PARD3B: variants seen among roughly 807,000 people sequenced by gnomAD.
PARD3B encodes the protein par-3 family cell polarity regulator beta.
A neutral mutation model predicts 130.2 loss-of-function variants in PARD3B; 103 were observed. The observed-to-expected ratio is 0.79, with a 90% CI of 0.67 to 0.93. The LOEUF (loss-of-function observed/expected upper bound fraction) is 0.93, where lower values mean the gene tolerates loss of function less well. Ranked by LOEUF, PARD3B falls within the 40% of genes least tolerant of loss-of-function variation. The pLI, the probability that PARD3B is intolerant of heterozygous loss-of-function variation, is 0.00. For missense variants in PARD3B, 1,609 were observed against 1,499.2 expected, an observed-to-expected ratio of 1.07 and a Z score of -1.21; for synonymous variants, 583 against 553.2, an observed-to-expected ratio of 1.05 and a Z score of -0.76.
chr2:204,805,748 G>A (rs1273296273), intron 2 of PARD3B, among the ~76,000 whole-genome samples: 12 of 151,992 alleles, frequency 7.9e-5, no homozygotes, highest in Admixed American at 7.2e-4. Flanking sequence ...GCAAGGCAAG[G>A]GTGGTTCACC....
chr2:205,460,565 C>G lies in PARD3B; in HGVS notation c.3044+19893C>G, dbSNP rs545186238. Among the ~76,000 whole-genome samples the G allele has an allele frequency of 5.3e-5, 8 of 152,244 alleles. No individual in the cohort carries two copies. The highest frequency in any genetic ancestry group is 1.9e-4 in the African/African-American group (8 of 41,538). ...CTTCTCTTGAGGTTATCATCTTTCT[C>G]CTAGTGGTCATTAACATAGAGTTTG... On this transcript the variant is annotated intron_variant, in intron 20 of 22. Transcript: ENST00000406610. This position sits in a 1 kb window ranked among gnomAD's most constrained non-coding sequence, Gnocchi z 4.9.
intron 2 of PARD3B, among the ~76,000 whole-genome samples, chr2:204,847,318 A>T (rs750202653): frequency 6.6e-6 from 1 of 151,644 alleles, no homozygotes; most frequent in Non-Finnish European, 1.5e-5. Flanking sequence ...ATTGCAAATC[A>T]GTGTGTATAC....
intron 1 of PARD3B, among the ~76,000 whole-genome samples, chr2:204,593,427 C>A (rs1162936449): frequency 6.6e-6 from 1 of 152,186 alleles, no homozygotes; most frequent in African/African-American, 2.4e-5. Context: ...ATGCAGTTGG[C>A]ATTCAGTAAA....
In PARD3B at chr2:204,760,076, C is replaced by T. The variant is rs116209312; in HGVS notation, c.222+73794C>T. ...CTCTGAAAACAGAACCCATGCTGAGCATTAAAGTAGCCAAATAGTCTAACA... is the reference window on the plus strand; with the variant it reads ...CTCTGAAAACAGAACCCATGCTGAGTATTAAAGTAGCCAAATAGTCTAACA... On this transcript the variant is annotated intron_variant, in intron 2 of 22. Coordinates refer to ENST00000406610, the MANE Select transcript of PARD3B (RefSeq NM_001302769.2). Among the ~76,000 whole-genome samples, 375 of 152,114 alleles carry T rather than the reference C, an allele frequency of 2.5e-3. 3 individuals are homozygous for T. The highest frequency in any genetic ancestry group is 8.7e-3 in the African/African-American group (361 of 41,542).
At chr2:205,420,076 A>C (rs1023382050) in intron 19 of PARD3B, among the ~76,000 whole-genome samples, 1 of 152,242 alleles carries the variant, frequency 6.6e-6, no homozygotes, top group African/African-American at 2.4e-5. Flanking sequence ...TCCCCTGAGC[A>C]TTCTGGCCAA....
chr2:204,871,308 T>C (rs993409654), intron 2 of PARD3B, among the ~76,000 whole-genome samples: 3 of 152,150 alleles, frequency 2.0e-5, no homozygotes, highest in African/African-American at 7.2e-5. Flanking sequence ...TATTATAGAC[T>C]ATAAACAACT....
chr2:204,876,991 A>G (rs2045869395), intron 2 of PARD3B, among the ~76,000 whole-genome samples: 1 of 152,154 alleles, frequency 6.6e-6, no homozygotes, highest in South Asian at 2.1e-4. Context: ...TCCCTGAGGA[A>G]TCGCCACACA....
intron 1 of PARD3B, among the ~76,000 whole-genome samples, chr2:204,574,689 C>T (rs1382595273): frequency 3.9e-5 from 6 of 152,274 alleles, no homozygotes; most frequent in Middle Eastern, 3.4e-3. Context: ...TGCTGTGGAA[C>T]GCTAAATGAG....
chr2:204,949,387 A>C (rs1218973246), intron 2 of PARD3B, among the ~76,000 whole-genome samples: 1 of 151,898 alleles, frequency 6.6e-6, no homozygotes, highest in South Asian at 2.1e-4. Flanking sequence ...GCACAAACAC[A>C]GCTTACTGCA....
chr2:205,054,045 G>C (rs1699421063), intron 4 of PARD3B, among the ~76,000 whole-genome samples: 1 of 151,952 alleles, frequency 6.6e-6, no homozygotes, highest in African/African-American at 2.4e-5. Flanking sequence ...AAGAGATAAA[G>C]CTGCCATCCG....
intron 2 of PARD3B, among the ~76,000 whole-genome samples, chr2:204,877,898 G>A (rs2045903169): frequency 6.6e-6 from 1 of 152,022 alleles, no homozygotes; most frequent in Admixed American, 6.6e-5. Flanking sequence ...ATTTAACTAT[G>A]GTATGTATGT....
chr2:204,786,048 A>T (rs1574978526), intron 2 of PARD3B, among the ~76,000 whole-genome samples: 1 of 143,688 alleles, frequency 7.0e-6, no homozygotes. Flanking sequence ...CGGGAGGTGG[A>T]GGTTGCAGTG....
At chr2:204,576,578 G>T (rs1255805821) in intron 1 of PARD3B, among the ~76,000 whole-genome samples, 1 of 152,038 alleles carries the variant, frequency 6.6e-6, no homozygotes, top group Non-Finnish European at 1.5e-5. Context: ...GATGCAATAG[G>T]CCGGTGGTTC....
chr2:204,654,098 T>G (rs1559032486), intron 1 of PARD3B, among the ~76,000 whole-genome samples: 1 of 151,288 alleles, frequency 6.6e-6, no homozygotes, highest in Non-Finnish European at 1.5e-5. Flanking sequence ...TATCTGTGTC[T>G]CAGCAAGGAG....
rs2039333760 is a variant in PARD3B at position 205,241,119 on chromosome 2, G to T, written c.2141-4659G>T. Among the ~76,000 whole-genome samples, 1 of 152,062 alleles carries T rather than the reference G, an allele frequency of 6.6e-6. No homozygotes were observed. The highest frequency in any genetic ancestry group is 1.5e-5 in the Non-Finnish European group (1 of 67,998). On this transcript the variant is annotated intron_variant, in intron 15 of 22. Coordinates refer to ENST00000406610, the MANE Select transcript of PARD3B (RefSeq NM_001302769.2). This position sits in a 1 kb window ranked among gnomAD's most constrained non-coding sequence, Gnocchi z 4.2. ...TGGGCAGTTCTAATTAGCTTCAAAGGCTTACAACCATGAGAATTAGAAACA... is the reference window on the plus strand; with the variant it reads ...TGGGCAGTTCTAATTAGCTTCAAAGTCTTACAACCATGAGAATTAGAAACA...
At chr2:204,637,494 T>C (rs2034926102) in intron 1 of PARD3B, among the ~76,000 whole-genome samples, 1 of 152,200 alleles carries the variant, frequency 6.6e-6, no homozygotes, top group Non-Finnish European at 1.5e-5. Flanking sequence ...TGTTTAGCTG[T>C]TCCTGTATCA....
At chr2:205,079,814 G>A (rs1307353470) in intron 4 of PARD3B, among the ~76,000 whole-genome samples, 1 of 151,978 alleles carries the variant, frequency 6.6e-6, no homozygotes. Flanking sequence ...AAATTAATGT[G>A]CTTAAGAGTT....
chr2:204,653,807 A>T (rs1283353510), intron 1 of PARD3B, among the ~76,000 whole-genome samples: 1 of 148,504 alleles, frequency 6.7e-6, no homozygotes, highest in African/African-American at 2.6e-5. Flanking sequence ...AAAAAAAAAG[A>T]AGTTGAAATA....
chr2:204,715,645 G>A (rs1183020066), intron 2 of PARD3B, among the ~76,000 whole-genome samples: 2 of 152,098 alleles, frequency 1.3e-5, no homozygotes, highest in Non-Finnish European at 1.5e-5. Flanking sequence ...TTTGAAATTT[G>A]CAAGGAGTCT....
Sources: gnomAD v4.1 joint callset for allele counts (sites outside exome capture counted in the v4.1 genomes callset) on GRCh38, gnomAD v4.1.1 for gene constraint, Gnocchi (gnomAD v3.1) non-coding constraint, MANE v1.5 for transcripts, NCBI Gene and HGNC (gene_info 2026-07-23, HGNC 2026-07-21) for gene names.